Variants in TBC1D22A observed in about 807,000 individuals in gnomAD.
The protein encoded by TBC1D22A is TBC1 domain family member 22A, also known as putative GTPase activator.
Under a neutral mutation model 60.2 loss-of-function variants are expected in TBC1D22A, and 38 were observed. That is an observed-to-expected ratio of 0.63 (90% confidence interval 0.49 to 0.83). TBC1D22A has a LOEUF of 0.83. Among genes scored for constraint, TBC1D22A ranks in the 40% least tolerant of loss-of-function variants. TBC1D22A has a pLI of 0.00. For missense variants in TBC1D22A, 628 were observed against 701.0 expected, an observed-to-expected ratio of 0.90 and a Z score of 1.18; for synonymous variants, 302 against 281.7, an observed-to-expected ratio of 1.07 and a Z score of -0.72.
chr22:46,999,886 G>A (rs1422407296), intron 10 of TBC1D22A, among the ~76,000 whole-genome samples: 2 of 152,150 alleles, frequency 1.3e-5, no homozygotes, highest in Non-Finnish European at 2.9e-5. Context: ...TTAGCCGGGC[G>A]TGGTGGCAGG....
chr22:47,076,766 A>G (rs1468228715), intron 11 of TBC1D22A, among the ~76,000 whole-genome samples: 2 of 152,148 alleles, frequency 1.3e-5, no homozygotes, highest in African/African-American at 2.4e-5. Context: ...AACAACAGCA[A>G]CAGCAACAGC....
intron 11 of TBC1D22A, among the ~76,000 whole-genome samples, chr22:47,075,934 T>C (rs1485940237): frequency 6.6e-6 from 1 of 152,084 alleles, no homozygotes; most frequent in Non-Finnish European, 1.5e-5. Context: ...TAAGCCAAAA[T>C]GTATTAGTGT....
chr22:46,855,229 T>A (rs4823882), intron 4 of TBC1D22A, among the ~76,000 whole-genome samples: 1 of 151,940 alleles, frequency 6.6e-6, no homozygotes, highest in African/African-American at 2.4e-5. Context: ...CTGCTTTGGA[T>A]GATACACCAT....
At position 47,053,303 on chromosome 22, in the gene TBC1D22A, G is replaced by T. The variant is rs758457582; in HGVS notation, c.1329+16105G>T. 2.0e-5 allele frequency among the ~76,000 whole-genome samples: 3 copies of T among 152,300 alleles called. No individual in the cohort carries two copies. In the East Asian group the frequency reaches 5.8e-4, roughly 29 times the overall value. ...GGACGTGTCTTTGTTTCTCACGTCC[G>T]CAGTGGAGAAGGTGAGGGGTTGCCA... On this transcript the variant is annotated intron_variant, in intron 11 of 12. Coordinates refer to ENST00000337137, the MANE Select transcript of TBC1D22A (RefSeq NM_014346.5).
In TBC1D22A at chr22:47,129,528, T is replaced by G. The variant is rs1601607561; in HGVS notation, c.1425+17925T>G. Among the ~76,000 whole-genome samples, 3 of 152,226 alleles carry G rather than the reference T, an allele frequency of 2.0e-5. No individual in the cohort carries two copies. The South Asian group carries it at 6.2e-4, about 32-fold the overall frequency. On this transcript the variant is annotated intron_variant, in intron 12 of 12. Transcript: ENST00000337137. ...GTAAGAGGCTGTTAACTTTTGAGTT[T>G]CGTGGCACTCACGAAGTGGGTGGTG...
chr22:46,908,023 G>A (rs1255327091), intron 7 of TBC1D22A, among the ~76,000 whole-genome samples: 2 of 152,186 alleles, frequency 1.3e-5, no homozygotes, highest in Non-Finnish European at 2.9e-5. Context: ...AGCAGGGAGC[G>A]GCCAGGCACA....
intron 8 of TBC1D22A, among the ~76,000 whole-genome samples, chr22:46,946,816 A>G (rs6009067): frequency 0.017 from 2,649 of 152,164 alleles, 59 homozygotes; most frequent in African/African-American, 0.061. Context: ...CTGCATTAGG[A>G]AGTGCATTCT....
At chr22:46,867,189 C>A (rs77633847) in intron 4 of TBC1D22A, among the ~76,000 whole-genome samples, 12,257 of 152,226 alleles carry the variant, frequency 0.081, 674 homozygotes, top group Non-Finnish European at 0.12. Flanking sequence ...TTGGGCAGCA[C>A]GTTAGCAGCA....
intron 8 of TBC1D22A, among the ~76,000 whole-genome samples, chr22:46,934,658 C>T (rs921502776): frequency 1.3e-5 from 2 of 152,226 alleles, no homozygotes; most frequent in Non-Finnish European, 2.9e-5. Flanking sequence ...GGGTGAGGCG[C>T]GTCCATGCTC....
At chr22:46,826,383 C>T (rs1162736868) in intron 4 of TBC1D22A, among the ~76,000 whole-genome samples, 1 of 152,222 alleles carries the variant, frequency 6.6e-6, no homozygotes, top group Non-Finnish European at 1.5e-5. Flanking sequence ...TAGCTCTCAT[C>T]TCTGGTTATT....
chr22:47,085,396 T>C lies in TBC1D22A; in HGVS notation c.1330-26112T>C, dbSNP rs531999306. On this transcript the variant is annotated intron_variant, in intron 11 of 12. Coordinates refer to ENST00000337137, the MANE Select transcript of TBC1D22A (RefSeq NM_014346.5). ...AGAAAGTAACATAGAGCACCAAAAATATTCCTTTATCTATGGATTAGATAA... is the reference window on the plus strand; with the variant it reads ...AGAAAGTAACATAGAGCACCAAAAACATTCCTTTATCTATGGATTAGATAA... Among the ~76,000 whole-genome samples the C allele has an allele frequency of 3.9e-5, 6 of 152,322 alleles. No homozygotes were observed. In the South Asian group the frequency reaches 6.2e-4, roughly 16 times the overall value.
At chr22:46,905,964 G>C (rs1335035217) in intron 7 of TBC1D22A, among the ~76,000 whole-genome samples, 2 of 152,190 alleles carry the variant, frequency 1.3e-5, no homozygotes, top group Admixed American at 6.5e-5. Context: ...CTGCTGTGTT[G>C]GTGGGATGGC....
chr22:46,909,716 G>A (rs1011309136), intron 7 of TBC1D22A, among the ~76,000 whole-genome samples: 1 of 152,182 alleles, frequency 6.6e-6, no homozygotes, highest in Non-Finnish European at 1.5e-5. Context: ...CCTTTTGGGG[G>A]CTCAGAGGCC....
At chr22:47,040,168 A>G (rs2062795162) in intron 11 of TBC1D22A, among the ~76,000 whole-genome samples, 1 of 151,722 alleles carries the variant, frequency 6.6e-6, no homozygotes, top group African/African-American at 2.4e-5. Context: ...GATGGTCTCG[A>G]TCTCCTGACC....
intron 8 of TBC1D22A, among the ~76,000 whole-genome samples, chr22:46,944,543 C>T (rs371553537): frequency 6.6e-5 from 10 of 152,070 alleles, no homozygotes; most frequent in South Asian, 2.1e-4. Flanking sequence ...GGACTACAGG[C>T]GCCCGCCACC....
At chr22:46,970,626 C>T (rs950248659) in intron 8 of TBC1D22A, among the ~76,000 whole-genome samples, 6 of 152,220 alleles carry the variant, frequency 3.9e-5, no homozygotes, top group Non-Finnish European at 8.8e-5. Context: ...CGTTCTCCCT[C>T]CTTGCCTCAT....
intron 4 of TBC1D22A, among the ~76,000 whole-genome samples, chr22:46,846,460 T>A (rs1009802009): frequency 1.3e-5 from 2 of 152,152 alleles, no homozygotes; most frequent in Non-Finnish European, 2.9e-5. Flanking sequence ...AAGGGTGACT[T>A]CTTTTCCAGA....
At chr22:46,849,787 G>A (rs905554969) in intron 4 of TBC1D22A, among the ~76,000 whole-genome samples, 3 of 152,208 alleles carry the variant, frequency 2.0e-5, no homozygotes, top group Non-Finnish European at 2.9e-5. Context: ...GCCGTGCTCC[G>A]TGACTGTCGC....
At chr22:46,945,006 T>C (rs1353224271) in intron 8 of TBC1D22A, among the ~76,000 whole-genome samples, 2 of 152,178 alleles carry the variant, frequency 1.3e-5, no homozygotes, top group African/African-American at 4.8e-5. Flanking sequence ...TGAAGGAAAA[T>C]CTGGAAATAA....
Sources: allele counts gnomAD v4.1 joint callset (sites outside exome capture counted in the v4.1 genomes callset), GRCh38; gene constraint gnomAD v4.1.1; transcripts MANE v1.5; gene names NCBI Gene and HGNC (gene_info 2026-07-23, HGNC 2026-07-21).